The following PCSK6 variants were observed in gnomAD, a reference collection of about 807,000 sequenced individuals.
The protein encoded by PCSK6 is paired basic amino acid cleaving enzyme 4.
Under a neutral mutation model 123.3 loss-of-function variants are expected in PCSK6, and 85 were observed. The ratio of observed to expected loss-of-function variants is 0.69; its 90% CI spans 0.58 to 0.83. The LOEUF is 0.83. PCSK6 is among the 40% of genes least tolerant of loss of function. The probability of loss-of-function intolerance (pLI) is 0.00; values close to 1 mark genes in which losing one functional copy is unlikely to be tolerated. For synonymous variants in PCSK6, 508 were observed against 516.0 expected (o/e 0.98, Z 0.21); for missense variants, 1,191 against 1,282.3 (o/e 0.93, Z 1.09).
intron 6 of PCSK6, among the ~76,000 whole-genome samples, chr15:101,421,710 G>A (rs1448496995): frequency 3.9e-5 from 6 of 152,192 alleles, no homozygotes; most frequent in Non-Finnish European, 5.9e-5. Context: ...TACAATCACA[G>A]CCAACAGCTT....
intron 2 of PCSK6, among the ~76,000 whole-genome samples, chr15:101,432,748 G>T (rs2056488174): frequency 6.6e-6 from 1 of 152,172 alleles, no homozygotes; most frequent in African/African-American, 2.4e-5. Flanking sequence ...GGTGATCCTT[G>T]TCCTGAAGAA....
intron 6 of PCSK6, among the ~76,000 whole-genome samples, chr15:101,411,115 T>G (rs1222270480): frequency 6.6e-6 from 1 of 152,108 alleles, no homozygotes. Context: ...CGAGCTGTCT[T>G]GAGGCACTGA....
chr15:101,365,565 C>A (rs1281002713), intron 13 of PCSK6, among the ~76,000 whole-genome samples: 1 of 151,988 alleles, frequency 6.6e-6, no homozygotes, highest in Admixed American at 6.6e-5. Context: ...GGTATACGCC[C>A]ACGAGAAACA....
In PCSK6 at chr15:101,462,531, T is replaced by C. The variant is rs558445094; in HGVS notation, c.298-18871A>G. Among the ~76,000 whole-genome samples the C allele has an allele frequency of 4.6e-5, 7 of 152,300 alleles. No individual in the cohort carries two copies. The East Asian group carries it at 1.2e-3, about 25-fold the overall frequency. ...CACATATCAAGCCTTATTATGAAGA[T>C]ACAGTACTGAAGTCTGTGAGGCACT... On this transcript the variant is annotated intron_variant, in intron 1 of 21. Coordinates refer to ENST00000611716, the MANE Select transcript of PCSK6 (RefSeq NM_002570.5).
intron 15 of PCSK6, among the ~76,000 whole-genome samples, chr15:101,330,297 G>A (rs1414209976): frequency 6.6e-6 from 1 of 152,072 alleles, no homozygotes; most frequent in Non-Finnish European, 1.5e-5. Context: ...GGCTTCCCTC[G>A]TCCCCCTCGC....
At chr15:101,388,520 G>GT (rs11370387) in intron 9 of PCSK6, among the ~76,000 whole-genome samples, 128,667 of 151,984 alleles carry the variant, frequency 0.85, 54,704 homozygotes, top group Admixed American at 0.87. Flanking sequence ...CAACTCAAGA[G>GT]ATTTCTTGAC....
chr15:101,467,075 C>T (rs2057478970), intron 1 of PCSK6, among the ~76,000 whole-genome samples: 1 of 151,764 alleles, frequency 6.6e-6, no homozygotes, highest in African/African-American at 2.4e-5. Context: ...GTTAACTCTC[C>T]AGTTTAATCA....
intron 19 of PCSK6, 153 bp from the exon 20 acceptor site, chr15:101,313,658 C>T: frequency 1.8e-6 from 2 of 1,102,600 alleles, no homozygotes; most frequent in African/African-American, 1.6e-5. Context: ...GTGAGCTGGG[C>T]CGTCCTCACC....
intron 13 of PCSK6, among the ~76,000 whole-genome samples, chr15:101,365,269 C>T (rs2041353894): frequency 1.3e-5 from 2 of 152,040 alleles, no homozygotes; most frequent in African/African-American, 2.4e-5. Context: ...GCACAAGCAA[C>T]AGAAGAAAAA....
chr15:101,401,213 G>A (rs2042574667), intron 6 of PCSK6, among the ~76,000 whole-genome samples: 1 of 152,254 alleles, frequency 6.6e-6, no homozygotes, highest in Non-Finnish European at 1.5e-5. Context: ...CAGTGCTAGA[G>A]ACATTCGGCA....
At chr15:101,450,905 C>G (rs139721648) in intron 1 of PCSK6, among the ~76,000 whole-genome samples, 1 of 151,994 alleles carries the variant, frequency 6.6e-6, no homozygotes, top group Non-Finnish European at 1.5e-5. Context: ...AAGGCCTGGC[C>G]GGGCACTCCC....
chr15:101,424,899 A>G (rs1324461772), intron 6 of PCSK6, among the ~76,000 whole-genome samples: 1 of 152,244 alleles, frequency 6.6e-6, no homozygotes, highest in Non-Finnish European at 1.5e-5. Flanking sequence ...TGCTGCATGT[A>G]TAATACTGGA....
At chr15:101,327,353 G>C (rs962654746) in intron 15 of PCSK6, among the ~76,000 whole-genome samples, 1 of 152,280 alleles carries the variant, frequency 6.6e-6, no homozygotes, top group South Asian at 2.1e-4. Flanking sequence ...AGGTCTACCC[G>C]TCAGGCGGGG....
intron 1 of PCSK6, among the ~76,000 whole-genome samples, chr15:101,463,434 C>A (rs1320061362): frequency 6.6e-6 from 1 of 152,170 alleles, no homozygotes; most frequent in Non-Finnish European, 1.5e-5. Flanking sequence ...TGCAACAATT[C>A]TGCTGCTACC....
intron 2 of PCSK6, among the ~76,000 whole-genome samples, chr15:101,435,338 GA>G (rs761800775): frequency 3.9e-4 from 59 of 152,018 alleles, no homozygotes; most frequent in Non-Finnish European, 7.1e-4. Context: ...AAGAAAGAAA[GA>G]AAGAAAATGT....
intron 20 of PCSK6, among the ~76,000 whole-genome samples, chr15:101,310,517 A>G (rs1299553156): frequency 1.3e-5 from 2 of 152,248 alleles, no homozygotes; most frequent in Admixed American, 1.3e-4. Context: ...TCTGAGAACC[A>G]GCTGACTGGT....
chr15:101,306,541 G>C (rs545785210), intron 21 of PCSK6, among the ~76,000 whole-genome samples: 2 of 152,234 alleles, frequency 1.3e-5, no homozygotes, highest in African/African-American at 4.8e-5. Context: ...TGCTTGCTGG[G>C]CCAGAGCCCC....
intron 18 of PCSK6, among the ~76,000 whole-genome samples, chr15:101,322,026 A>T (rs1055975101): frequency 6.6e-6 from 1 of 152,278 alleles, no homozygotes; most frequent in Non-Finnish European, 1.5e-5. Flanking sequence ...ATGATTTTAA[A>T]GAAAATGCAT....
intron 7 of PCSK6, among the ~76,000 whole-genome samples, chr15:101,397,478 G>C (rs1248415094): frequency 6.6e-6 from 1 of 152,158 alleles, no homozygotes; most frequent in African/African-American, 2.4e-5. Flanking sequence ...TAATGGGCTT[G>C]ACTCCTGCCA....
Sources: allele counts gnomAD v4.1 joint callset (sites outside exome capture counted in the v4.1 genomes callset), GRCh38; gene constraint gnomAD v4.1.1; transcripts MANE v1.5; gene names NCBI Gene and HGNC (gene_info 2026-07-23, HGNC 2026-07-21).